The following TAFA2 variants were observed in gnomAD, a reference collection of about 807,000 sequenced individuals.
The protein encoded by TAFA2 is chemokine-like protein TAFA-2.
In TAFA2, 7 loss-of-function variants were observed where a neutral mutation model predicts 18.8. The ratio of observed to expected loss-of-function variants is 0.37; its 90% confidence interval spans 0.21 to 0.70. The LOEUF is 0.70. Ranked by LOEUF, TAFA2 falls within the 30% of genes least tolerant of loss-of-function variation. The probability of loss-of-function intolerance (pLI) is 0.53; values close to 1 mark genes in which losing one functional copy is unlikely to be tolerated. For synonymous variants in TAFA2, 60 were observed against 54.2 expected, an observed-to-expected ratio of 1.11 and a Z score of -0.47; for missense variants, 122 against 158.1, an observed-to-expected ratio of 0.77 and a Z score of 1.23.
intron 1 of TAFA2, among the ~76,000 whole-genome samples, chr12:61,986,145 A>G (rs996246688): frequency 6.7e-6 from 1 of 149,314 alleles, no homozygotes; most frequent in African/African-American, 2.5e-5. Flanking sequence ...AGACATAGAC[A>G]ATCTAAGCTC....
intron 1 of TAFA2, among the ~76,000 whole-genome samples, chr12:61,999,473 A>C (rs895845163): frequency 1.3e-5 from 2 of 152,298 alleles, no homozygotes; most frequent in East Asian, 3.9e-4. Context: ...AAATATGTGG[A>C]TACGGCTTCC....
At chr12:61,901,020 G>C (rs1876075089) in intron 1 of TAFA2, among the ~76,000 whole-genome samples, 1 of 152,096 alleles carries the variant, frequency 6.6e-6, no homozygotes, top group Admixed American at 6.5e-5. Flanking sequence ...AGCTGTGTCT[G>C]TGATTACCTG....
intron 1 of TAFA2, among the ~76,000 whole-genome samples, chr12:61,992,820 T>C (rs1198020562): frequency 1.3e-5 from 2 of 152,240 alleles, no homozygotes; most frequent in Non-Finnish European, 2.9e-5. Context: ...TAAACTGCTA[T>C]ATCCCCTAAA....
chr12:61,845,197 A>T (rs1277066558), intron 2 of TAFA2, among the ~76,000 whole-genome samples: 1 of 152,194 alleles, frequency 6.6e-6, no homozygotes, highest in Non-Finnish European at 1.5e-5. Context: ...GCTCCAGCCT[A>T]ATCATGCCCG....
intron 1 of TAFA2, among the ~76,000 whole-genome samples, chr12:61,899,661 T>C (rs187186060): frequency 9.2e-5 from 14 of 152,326 alleles, no homozygotes; most frequent in South Asian, 4.1e-4. Context: ...ATGGGAATTA[T>C]AATTCAAGAT....
intron 1 of TAFA2, among the ~76,000 whole-genome samples, chr12:62,037,313 A>G (rs969658579): frequency 4.6e-5 from 7 of 152,218 alleles, no homozygotes; most frequent in African/African-American, 1.4e-4. Context: ...GCAAGATCCA[A>G]TGTCCTTAAG....
intron 1 of TAFA2, among the ~76,000 whole-genome samples, chr12:62,238,496 GCTCT>G (rs2062848044): frequency 6.6e-6 from 1 of 152,124 alleles, no homozygotes; most frequent in Non-Finnish European, 1.5e-5. Context: ...CCTCCCAACA[GCTCT>G]CTGAGTTAGG....
intron 1 of TAFA2, among the ~76,000 whole-genome samples, chr12:61,978,468 C>T (rs2136673767): frequency 6.6e-6 from 1 of 151,998 alleles, no homozygotes; most frequent in African/African-American, 2.4e-5. Flanking sequence ...AAGAGAGGAA[C>T]AGTTCCTACA....
intron 2 of TAFA2, among the ~76,000 whole-genome samples, chr12:61,760,051 G>C (rs1869461656): frequency 6.8e-6 from 1 of 147,332 alleles, no homozygotes; most frequent in Non-Finnish European, 1.5e-5. Context: ...TAGCCTGATA[G>C]ATGCAGGGCT....
chr12:62,096,289 T>C (rs1170610163), intron 1 of TAFA2, among the ~76,000 whole-genome samples: 1 of 152,070 alleles, frequency 6.6e-6, no homozygotes, highest in Admixed American at 6.6e-5. Context: ...CACACATCAC[T>C]GATAATAAAA....
intron 4 of TAFA2, among the ~76,000 whole-genome samples, chr12:61,749,206 G>C (rs1404761186): frequency 6.6e-6 from 1 of 152,058 alleles, no homozygotes; most frequent in Admixed American, 6.6e-5. Flanking sequence ...TCAAGAGGTG[G>C]AGGTTGCAGT....
rs1168724048 is a variant in TAFA2 at position 61,708,859 on chromosome 12, T to A, written c.*1547A>T. ...ATAGACCAAAGCTCCCCAGGATATA[T>A]GGGCCTCTATCCTGGAAACCAACGT... is the stretch of plus-strand genomic sequence containing the variant. On this transcript the variant is annotated 3_prime_UTR_variant, in exon 5 of 5. Coordinates refer to ENST00000416284, the MANE Select transcript of TAFA2 (RefSeq NM_178539.5). The A allele has an allele frequency of 2.0e-5, 3 of 152,150 alleles. No homozygotes were observed. The highest frequency in any genetic ancestry group is 4.4e-5 in the Non-Finnish European group (3 of 67,994). 9.4% of individuals were successfully genotyped at this position (152,150 alleles called of 1,614,324 possible).
chr12:61,711,419 G>C (rs1384396773), intron 4 of TAFA2, among the ~76,000 whole-genome samples: 2 of 151,988 alleles, frequency 1.3e-5, no homozygotes, highest in African/African-American at 4.8e-5. Flanking sequence ...GGTATTTAGA[G>C]AGTTACCTAA....
chr12:62,082,138 G>A (rs1592324323), intron 1 of TAFA2, among the ~76,000 whole-genome samples: 1 of 152,012 alleles, frequency 6.6e-6, no homozygotes, highest in Admixed American at 6.6e-5. Flanking sequence ...CCTTTTTATG[G>A]CTGCCTAGTA....
chr12:61,882,716 T>C (rs1397169548), intron 1 of TAFA2, among the ~76,000 whole-genome samples: 2 of 152,146 alleles, frequency 1.3e-5, no homozygotes, highest in Non-Finnish European at 2.9e-5. Flanking sequence ...TTTATTTCCT[T>C]GTGAATACTC....
rs796631713 is a variant in TAFA2, at chr12:61,751,863, AT to A, written c.384+1758del. Reference sequence around the variant, plus strand: ...AAAGGGAGTAAAACAGCACTTCCAAATTTTTTTTTTTCCATGAGAATTTAGA... The same window carrying A: ...AAAGGGAGTAAAACAGCACTTCCAAATTTTTTTTTTCCATGAGAATTTAGA... On this transcript the variant is annotated intron_variant, in intron 4 of 4. Coordinates refer to ENST00000416284, the MANE Select transcript of TAFA2 (RefSeq NM_178539.5). Among the ~76,000 whole-genome samples, 881 of 148,198 alleles carry A rather than the reference AT, an allele frequency of 5.9e-3. 11 individuals are homozygous for A. The highest frequency in any genetic ancestry group is 0.019 in the African/African-American group (759 of 40,686).
chr12:62,242,822 A>G (rs2062868698), intron 1 of TAFA2, among the ~76,000 whole-genome samples: 1 of 152,248 alleles, frequency 6.6e-6, no homozygotes, highest in South Asian at 2.1e-4. Flanking sequence ...TTGAGAAAAT[A>G]CAGTCCTTTG....
intron 1 of TAFA2, among the ~76,000 whole-genome samples, chr12:62,010,227 C>A (rs1176211976): frequency 1.4e-5 from 2 of 138,332 alleles, no homozygotes; most frequent in Non-Finnish European, 3.1e-5. Flanking sequence ...CTGGATTGTA[C>A]TGCCGTGGTC....
chr12:61,910,697 G>C (rs139863684), intron 1 of TAFA2, among the ~76,000 whole-genome samples: 1 of 152,174 alleles, frequency 6.6e-6, no homozygotes, highest in African/African-American at 2.4e-5. Context: ...GCTAGCCCCA[G>C]GTCACACATA....
Sources: gnomAD v4.1 joint callset for allele counts (sites outside exome capture counted in the v4.1 genomes callset) on GRCh38, gnomAD v4.1.1 for gene constraint, MANE v1.5 for transcripts, NCBI Gene and HGNC (gene_info 2026-07-23, HGNC 2026-07-21) for gene names.